Variants in CCDC141 observed in about 807,000 individuals in gnomAD.
The protein encoded by CCDC141 is coiled-coil domain containing 141.
CCDC141 carries 168 observed loss-of-function variants against 181.0 expected under a neutral mutation model. That is an observed-to-expected ratio of 0.93 (90% CI 0.82 to 1.05). The LOEUF (loss-of-function observed/expected upper bound fraction) is 1.05. CCDC141 is among the 50% of genes least tolerant of loss of function. The pLI is 0.00. For missense variants in CCDC141, 1,902 were observed against 1,788.5 expected (o/e 1.06, Z -1.14); for synonymous variants, 666 against 642.3 (o/e 1.04, Z -0.56).
At chr2:179,045,416 T>C (rs1267940369) in intron 2 of CCDC141, among the ~76,000 whole-genome samples, 11 of 151,758 alleles carry the variant, frequency 7.2e-5, no homozygotes, top group Admixed American at 2.0e-4. Context: ...CTATCATTGT[T>C]GGACATTTGG....
chr2:178,868,151 G>T lies in CCDC141; in HGVS notation c.2449C>A (p.Leu817Met), dbSNP rs566208959. 10 of 1,614,024 alleles carry T rather than the reference G, an allele frequency of 6.2e-6. No individual in the cohort carries two copies. The highest frequency in any genetic ancestry group is 8.5e-6 in the Non-Finnish European group (10 of 1,179,928). Residue 817 changes from leucine (L) to methionine (M), a missense_variant, in exon 16 of 24, where the codon CTG becomes ATG. By Grantham distance (15) the Leu-to-Met change is conservative. Transcript: ENST00000443758. ...ATCTGCACATCATGGGCATCACCCA[G>T]TTCCTTCGGCTGCTCTACAAACTCC... is the stretch of plus-strand genomic sequence containing the variant. The part of the protein sequence containing the change: ...ELEFVEQPKE[L>M]GDAHDVQIHL...
At position 178,865,900 on chromosome 2, in the gene CCDC141, G is replaced by GACT. The variant is rs1685831425; in HGVS notation, c.2590_2591insAGT (p.Val863_Ser864insTer). 4 of 1,590,358 alleles carry GACT rather than the reference G, an allele frequency of 2.5e-6. No individual in the cohort carries two copies. The highest frequency in any genetic ancestry group is 3.4e-6 in the Non-Finnish European group (4 of 1,168,724). The stretch of plus-strand genomic sequence containing the variant: ...CAGCTGCTGCTGTAGGTTCTTTGCA[G>GACT]AAACATTAGAGCAGTGCTAAAAGAG... On this transcript the variant is annotated stop_gained, in exon 17 of 24. Coordinates refer to ENST00000443758, the MANE Select transcript of CCDC141 (RefSeq NM_173648.4). LOFTEE classifies it high-confidence loss of function.
chr2:178,979,112 G>A (rs565427837), intron 2 of CCDC141, among the ~76,000 whole-genome samples: 7 of 152,200 alleles, frequency 4.6e-5, no homozygotes, highest in East Asian at 1.9e-4. Flanking sequence ...TGACCGTGAC[G>A]ATTAATGTAA....
At chr2:178,821,893 C>T in the CCDC141 span, among the ~76,000 whole-genome samples, 1 of 152,104 alleles carries the variant, frequency 6.6e-6, no homozygotes, top group Non-Finnish European at 1.5e-5. Context: ...TTGACCCAGC[C>T]ATCCCATTAC....
At chr2:178,923,584 CACTTTGCAATAAAATATTTCCAGT>C (rs1688799169) in intron 6 of CCDC141, among the ~76,000 whole-genome samples, 1 of 152,116 alleles carries the variant, frequency 6.6e-6, no homozygotes, top group Admixed American at 6.5e-5. Context: ...GGGTCTCAGT[CACTTTGCAATAAAATATTTCCAGT>C]ACTTGTCCCC....
intron 4 of CCDC141, among the ~76,000 whole-genome samples, chr2:178,972,244 A>G (rs1266746180): frequency 6.6e-6 from 1 of 152,158 alleles, no homozygotes; most frequent in African/African-American, 2.4e-5. Flanking sequence ...TTTGGAGCTT[A>G]GAGTAAATTT....
intron 1 of CCDC141, among the ~76,000 whole-genome samples, chr2:179,047,879 C>T (rs2043550699): frequency 6.6e-6 from 1 of 152,148 alleles, no homozygotes; most frequent in South Asian, 2.1e-4. Context: ...TTACATTGGC[C>T]TTGCTGGTTT....
Position 179,049,861 on chromosome 2 carries a change from T to G in CCDC141, c.81A>C (p.Lys27Asn), listed in dbSNP as rs775340225. The G allele has an allele frequency of 2.6e-6, 4 of 1,550,742 alleles. No homozygotes were observed. ...TTACCTTTATGACAGCTATAACGAT[T>G]TTGGAGTCCCCAGCCTGCACAGCAA... The part of the protein sequence containing the change: ...SSVAVQAGDS[K>N]IVIAVIKCGK... The change falls in exon 1 of 24, where the codon AAA (lysine) becomes AAC (asparagine). Residue 27 changes from lysine (K) to asparagine (N), a missense_variant. Coordinates refer to ENST00000443758, the MANE Select transcript of CCDC141 (RefSeq NM_173648.4).
At chr2:179,015,753 T>G (rs1302557664) in intron 2 of CCDC141, among the ~76,000 whole-genome samples, 1 of 86,602 alleles carries the variant, frequency 1.2e-5, no homozygotes, top group Non-Finnish European at 3.3e-5. Context: ...CTTATATATA[T>G]CTCATATATA....
At chr2:178,878,712 C>A (rs997448076) in intron 11 of CCDC141, among the ~76,000 whole-genome samples, 1 of 152,070 alleles carries the variant, frequency 6.6e-6, no homozygotes, top group African/African-American at 2.4e-5. Context: ...TTGGGTAGAA[C>A]ACTGAGCTGA....
At position 178,834,441 on chromosome 2, in the gene CCDC141, C is replaced by A; in HGVS notation, c.4326-1G>T. The A allele has an allele frequency of 6.5e-7, 1 of 1,534,892 alleles. No individual in the cohort carries two copies. Among genetic ancestry groups the A allele is most frequent in the Non-Finnish European group, 8.7e-7 (1 of 1,145,706 alleles). On this transcript the variant is annotated splice_acceptor_variant, in intron 23 of 23. Transcript: ENST00000443758. LOFTEE classifies it high-confidence loss of function. ...AGACAATTTCTGGCCCTTCTTGTAC[C>A]TGAAGCAGAGAGGCAGTTTTTAAAG...
At chr2:178,872,399 C>T in intron 12 of CCDC141, 87 bp from the exon 13 acceptor site, 1 of 1,230,636 alleles carries the variant, frequency 8.1e-7, no homozygotes, top group Non-Finnish European at 1.1e-6. Context: ...GAGGCAAATT[C>T]TTTATCACAA....
At chr2:178,839,427 A>C (rs1334023833) in intron 22 of CCDC141, among the ~76,000 whole-genome samples, 2 of 147,124 alleles carry the variant, frequency 1.4e-5, no homozygotes, top group Non-Finnish European at 3.0e-5. Context: ...AAAAAAAAAA[A>C]TAGCTATGTG....
At chr2:178,876,350 C>T (rs968502175) in intron 12 of CCDC141, 4 of 152,200 alleles carry the variant, frequency 2.6e-5, no homozygotes, top group Non-Finnish European at 2.9e-5. Context: ...GGATGGACTA[C>T]ACAATTTACA....
intron 4 of CCDC141, among the ~76,000 whole-genome samples, chr2:178,969,948 T>A (rs1690808914): frequency 6.6e-6 from 1 of 152,154 alleles, no homozygotes. Flanking sequence ...AAAATCAATG[T>A]GCAAAAATCA....
chr2:178,962,753 G>C (rs375546540), intron 4 of CCDC141, among the ~76,000 whole-genome samples: 17 of 151,598 alleles, frequency 1.1e-4, no homozygotes, highest in Non-Finnish European at 2.4e-4. Context: ...ACCCCTTAAT[G>C]TAGATTACTA....
chr2:178,890,657 A>G (rs1687103682), intron 8 of CCDC141, among the ~76,000 whole-genome samples: 1 of 151,952 alleles, frequency 6.6e-6, no homozygotes, highest in Non-Finnish European at 1.5e-5. Flanking sequence ...CCTGCTCCCA[A>G]ATTTCCCACT....
At chr2:178,916,939 C>CTT (rs35684887) in intron 7 of CCDC141, among the ~76,000 whole-genome samples, 8 of 145,290 alleles carry the variant, frequency 5.5e-5, no homozygotes, top group South Asian at 4.3e-4. Context: ...TCTTCTTCTT[C>CTT]TTTTTTTTTT....
At chr2:178,963,150 G>C (rs967150404) in intron 4 of CCDC141, among the ~76,000 whole-genome samples, 12 of 152,152 alleles carry the variant, frequency 7.9e-5, no homozygotes, top group African/African-American at 2.7e-4. Context: ...AGAGGGGTTG[G>C]AAATTGGGGG....
Sources: gnomAD v4.1 joint callset for allele counts (sites outside exome capture counted in the v4.1 genomes callset) on GRCh38, gnomAD v4.1.1 for gene constraint, MANE v1.5 for transcripts, NCBI Gene and HGNC (gene_info 2026-07-23, HGNC 2026-07-21) for gene names.